The following ARHGEF10 variants were observed in gnomAD, a reference collection of about 807,000 sequenced individuals.
ARHGEF10 encodes Rho guanine nucleotide exchange factor (GEF) 10.
A neutral mutation model predicts 147.4 loss-of-function variants in ARHGEF10; 140 were observed. That is an observed-to-expected ratio of 0.95 (90% CI 0.83 to 1.09). The LOEUF is 1.09. Ranked by LOEUF, ARHGEF10 falls within the 50% of genes least tolerant of loss-of-function variation. ARHGEF10 has a pLI of 0.00. For synonymous variants in ARHGEF10, 902 were observed against 695.8 expected (o/e 1.30, Z -4.67); for missense variants, 2,222 against 1,752.7 (o/e 1.27, Z -4.78).
intron 28 of ARHGEF10, among the ~76,000 whole-genome samples, chr8:1,956,412 GGTAA>G (rs748565022): frequency 6.6e-6 from 1 of 151,940 alleles, no homozygotes; most frequent in African/African-American, 2.4e-5. Flanking sequence ...ATTTCCATAG[GGTAA>G]GTAAGAAGGT....
chr8:1,841,205 C>T (rs1178255727), intron 1 of ARHGEF10, among the ~76,000 whole-genome samples: 1 of 152,156 alleles, frequency 6.6e-6, no homozygotes, highest in Non-Finnish European at 1.5e-5. Flanking sequence ...AAAATAATAA[C>T]AGTACCTACG....
intron 18 of ARHGEF10, among the ~76,000 whole-genome samples, chr8:1,915,883 C>G (rs746964047): frequency 6.6e-6 from 1 of 152,250 alleles, no homozygotes; most frequent in Non-Finnish European, 1.5e-5. Flanking sequence ...TATAGCTGAC[C>G]TGTGAACTTA....
chr8:1,894,765 A>G (rs1263928409), intron 13 of ARHGEF10, among the ~76,000 whole-genome samples, 193 bp downstream of exon 13: 5 of 152,216 alleles, frequency 3.3e-5, no homozygotes, highest in African/African-American at 1.2e-4. Flanking sequence ...GATCTTTACC[A>G]GGGAGGCCAA....
Position 1,922,970 on chromosome 8 carries a change from T to A in ARHGEF10, c.2150T>A (p.Val717Asp), listed in dbSNP as rs1182115459. The change falls in exon 19 of 29, where the codon GTT becomes GAT. Residue 717 changes from valine to aspartate, a missense_variant. By Grantham distance (152) the Val-to-Asp change is radical (BLOSUM62 -3). Coordinates refer to ENST00000349830, the MANE Select transcript of ARHGEF10 (RefSeq NM_014629.4). ...CTTTTTGCTTATTTTGTAGACAAAG[T>A]TTACATGGGGCCAGGACAACTGTAT... ...AVVANAKPNK[V>D]YMGPGQLYQD... 1.9e-6 allele frequency: 3 copies of A among 1,611,734 alleles called. No homozygotes were observed. Among genetic ancestry groups the A allele is most frequent in the Non-Finnish European group, 2.5e-6 (3 of 1,178,378 alleles).
intron 15 of ARHGEF10, among the ~76,000 whole-genome samples, chr8:1,902,860 C>G (rs900227381): frequency 1.3e-5 from 2 of 152,106 alleles, no homozygotes; most frequent in Non-Finnish European, 2.9e-5. Context: ...GTGCAGTATT[C>G]GGCACCACAG....
At position 1,936,465 on chromosome 8, in the gene ARHGEF10, G is replaced by A. The variant is rs140640118; in HGVS notation, c.3222+2523G>A. On this transcript the variant is annotated intron_variant, in intron 26 of 28. Transcript: ENST00000349830. Reference sequence around the variant, plus strand: ...GCTGAGGCTGCAGTGAGCCAAGATCGCACTGCTATACTCCAGCCTGGGCAA... The same window carrying A: ...GCTGAGGCTGCAGTGAGCCAAGATCACACTGCTATACTCCAGCCTGGGCAA... Among the ~76,000 whole-genome samples the A allele has an allele frequency of 3.3e-3, 495 of 152,210 alleles. 2 individuals are homozygous for A. The highest frequency in any genetic ancestry group is 0.013 in the South Asian group (65 of 4,828).
At chr8:1,897,039 A>C (rs1263826938) in intron 14 of ARHGEF10, among the ~76,000 whole-genome samples, 3 of 151,498 alleles carry the variant, frequency 2.0e-5, no homozygotes, top group South Asian at 2.1e-4. Flanking sequence ...GTGTTCTGAC[A>C]GTTTGCTGCA....
chr8:1,888,223 G>T (rs1176171372), intron 11 of ARHGEF10, among the ~76,000 whole-genome samples: 1 of 101,088 alleles, frequency 9.9e-6, no homozygotes, highest in African/African-American at 4.9e-5. Flanking sequence ...CGAGGGTTGC[G>T]AGGAGACAGT....
rs1813727781 is a variant in ARHGEF10 at position 1,937,665 on chromosome 8, G to A, written c.3222+3723G>A. On this transcript the variant is annotated intron_variant, in intron 26 of 28. Coordinates refer to ENST00000349830, the MANE Select transcript of ARHGEF10 (RefSeq NM_014629.4). This position sits in a 1 kb window ranked among gnomAD's most constrained non-coding sequence, Gnocchi z 4.9. The stretch of plus-strand genomic sequence containing the variant: ...TTGTGCAGGGGAACTGTGGCCAGGG[G>A]CTGGGGCAGCCCACAGGACCTGAGC... Among the ~76,000 whole-genome samples, 6 of 152,216 alleles carry A rather than the reference G, an allele frequency of 3.9e-5. No homozygotes were observed. Among genetic ancestry groups the A allele is most frequent in the Admixed American group, 3.9e-4 (6 of 15,286 alleles).
intron 19 of ARHGEF10, 76 bp downstream of exon 19, chr8:1,923,155 A>C: frequency 8.9e-7 from 1 of 1,119,332 alleles, no homozygotes; most frequent in Non-Finnish European, 1.3e-6. Flanking sequence ...TATATCTCCA[A>C]GTTCTACCAG....
chr8:1,832,621 CAGAGAGAGACAG>C, intron 1 of ARHGEF10, among the ~76,000 whole-genome samples: 1 of 79,524 alleles, frequency 1.3e-5, no homozygotes, highest in African/African-American at 6.3e-5. Context: ...GAGACAGAGG[CAGAGAGAGACAG>C]AGGCAGAGGC....
intron 1 of ARHGEF10, among the ~76,000 whole-genome samples, chr8:1,837,588 T>G (rs139446255): frequency 3.9e-4 from 59 of 152,336 alleles, no homozygotes; most frequent in African/African-American, 1.4e-3. Flanking sequence ...CAAAGCCACG[T>G]GGCTGTTAGG....
rs1563161330 is a variant in ARHGEF10, at chr8:1,841,835, GACGGGAACTGGGGCC to G, written c.-47-1517_-47-1503del. 1.8e-3 allele frequency among the ~76,000 whole-genome samples: 170 copies of G among 94,020 alleles called. 8 individuals carry two copies. Among genetic ancestry groups the G allele is most frequent in the Non-Finnish European group, 2.7e-3 (106 of 39,982 alleles). 61.7% of individuals were successfully genotyped at this position (94,020 alleles called of 152,430 possible). On this transcript the variant is annotated intron_variant, in intron 1 of 28. Transcript: ENST00000349830. ...GGGCCGCGGCGGGAACTGGGGCCGC[GACGGGAACTGGGGCC>G]GCGGCGGGAACTGGGGCCGCGGCGG...
intron 7 of ARHGEF10, 161 bp from the exon 8 acceptor site, chr8:1,876,410 G>A: frequency 2.7e-6 from 2 of 740,888 alleles, no homozygotes; most frequent in Middle Eastern, 3.6e-4. Context: ...GCTGCACGGT[G>A]CCTTCCATGG....
chr8:1,859,728 C>T (rs1805934864), intron 3 of ARHGEF10, among the ~76,000 whole-genome samples, 169 bp from the exon 4 acceptor site: 1 of 152,194 alleles, frequency 6.6e-6, no homozygotes, highest in Admixed American at 6.5e-5. Context: ...CTGGGTTCCC[C>T]ATGTGTGAGT....
At chr8:1,916,743 T>C (rs768114941) in intron 18 of ARHGEF10, among the ~76,000 whole-genome samples, 3 of 152,236 alleles carry the variant, frequency 2.0e-5, no homozygotes, top group East Asian at 1.9e-4. Context: ...TAGGGACTTA[T>C]ATATGATGCT....
chr8:1,843,496 C>T lies in ARHGEF10; in HGVS notation c.37+60C>T, dbSNP rs74415378. Reference sequence around the variant, plus strand: ...GTTGTGCTGCTGCTCTCATCAAGGACGGGGTACTTCTGGAACCACTGAATT... The same window carrying T: ...GTTGTGCTGCTGCTCTCATCAAGGATGGGGTACTTCTGGAACCACTGAATT... On this transcript the variant is annotated intron_variant, in intron 2 of 28. Coordinates refer to ENST00000349830, the MANE Select transcript of ARHGEF10 (RefSeq NM_014629.4). The T allele has an allele frequency of 0.11, 152,354 of 1,337,902 alleles. 10,303 individuals carry two copies. The highest frequency in any genetic ancestry group is 0.26 in the East Asian group (11,045 of 42,786). The allele number at this position is 1,337,902 out of a possible 1,614,324, so 82.9% of individuals were successfully genotyped here.
At chr8:1,895,272 C>T (rs1356704535) in intron 13 of ARHGEF10, among the ~76,000 whole-genome samples, 2 of 152,120 alleles carry the variant, frequency 1.3e-5, no homozygotes, top group African/African-American at 2.4e-5. Flanking sequence ...TTGGATTCTA[C>T]CTAGATGTAG....
intron 11 of ARHGEF10, among the ~76,000 whole-genome samples, chr8:1,889,131 T>TGTGAGTGGGGTGAGGGTTGTAAGGGGAGA (rs796835844): frequency 1.6e-5 from 1 of 61,192 alleles, no homozygotes; most frequent in African/African-American, 1.0e-4. Context: ...GAGGAGACAC[T>TGTGAGTGGGGTGAGGGTTGTAAGGGGAGA]GTGAGTGGGG....
Sources: gnomAD v4.1 joint callset for allele counts (sites outside exome capture counted in the v4.1 genomes callset) on GRCh38, gnomAD v4.1.1 for gene constraint, Gnocchi (gnomAD v3.1) non-coding constraint, MANE v1.5 for transcripts, NCBI Gene and HGNC (gene_info 2026-07-23, HGNC 2026-07-21) for gene names.